PTPRT: variants seen among roughly 807,000 people sequenced by gnomAD.
The protein encoded by PTPRT is receptor-type tyrosine-protein phosphatase T.
Under a neutral mutation model 176.8 loss-of-function variants are expected in PTPRT, and 56 were observed. The observed-to-expected ratio is 0.32, with a 90% confidence interval of 0.26 to 0.40. PTPRT has a LOEUF of 0.40. PTPRT is among the 10% of genes least tolerant of loss of function. The pLI is 1.00. For missense variants in PTPRT, 1,540 were observed against 1,908.2 expected, an observed-to-expected ratio of 0.81 and a Z score of 3.60; for synonymous variants, 783 against 739.0, an observed-to-expected ratio of 1.06 and a Z score of -0.96.
chr20:42,557,942 A>G (rs1333929620), intron 7 of PTPRT, among the ~76,000 whole-genome samples: 1 of 152,180 alleles, frequency 6.6e-6, no homozygotes, highest in African/African-American at 2.4e-5. Flanking sequence ...TGAATGAATT[A>G]CTTGTTTAAC....
chr20:42,205,796 A>G (rs529168116), intron 15 of PTPRT, among the ~76,000 whole-genome samples: 2 of 152,252 alleles, frequency 1.3e-5, no homozygotes, highest in African/African-American at 4.8e-5. Flanking sequence ...TCCTGGAGTC[A>G]GAGATCTCAG....
chr20:42,459,517 G>A (rs1412469243), intron 8 of PTPRT, among the ~76,000 whole-genome samples: 1 of 152,238 alleles, frequency 6.6e-6, no homozygotes, highest in Non-Finnish European at 1.5e-5. Context: ...GCAGAGCACA[G>A]TGGTTTGGAC....
Position 42,791,284 on chromosome 20 carries a change from T to A in PTPRT, c.397A>T (p.Asn133Tyr), listed in dbSNP as rs767406393. Residue 133 changes from asparagine (N) to tyrosine (Y), a missense_variant, in exon 3 of 31, where the codon AAC becomes TAC. By Grantham distance (143) the Asn-to-Tyr change is moderately radical. Transcript: ENST00000373187. ...ACCCCGGACACATTCCACACAGGGTTCCCTTGGGGGCCACCATTCACCTTC... is the reference window on the plus strand; with the variant it reads ...ACCCCGGACACATTCCACACAGGGTACCCTTGGGGGCCACCATTCACCTTC... Reference protein sequence around the residue: ...YVKVNGGPQGNPVWNVSGVVT... With the variant: ...YVKVNGGPQGYPVWNVSGVVT... 2 of 1,614,230 alleles carry A rather than the reference T, an allele frequency of 1.2e-6. No individual in the cohort carries two copies. The highest frequency in any genetic ancestry group is 1.7e-6 in the Non-Finnish European group (2 of 1,180,026).
rs148848415 is a variant in PTPRT, at chr20:42,369,777, G to A, written c.1561-17492C>T. On this transcript the variant is annotated intron_variant, in intron 9 of 30. Transcript: ENST00000373187. ...GAAGAGAAAAGGAAGAGAAGCCTGGGTATCGGGTTTCCAATTGTATGTCCA... is the reference window on the plus strand; with the variant it reads ...GAAGAGAAAAGGAAGAGAAGCCTGGATATCGGGTTTCCAATTGTATGTCCA... Among the ~76,000 whole-genome samples, 588 of 152,286 alleles carry A rather than the reference G, an allele frequency of 3.9e-3. 2 individuals are homozygous for A. The highest frequency in any genetic ancestry group is 6.6e-3 in the Non-Finnish European group (451 of 68,020).
intron 16 of PTPRT, among the ~76,000 whole-genome samples, chr20:42,178,099 G>T (rs907262291): frequency 2.0e-5 from 3 of 151,922 alleles, no homozygotes; most frequent in Admixed American, 1.3e-4. Flanking sequence ...CACCACACCC[G>T]GCTAATTTTT....
chr20:42,838,025 TTTTG>T (rs761803108), intron 2 of PTPRT, among the ~76,000 whole-genome samples: 13 of 152,148 alleles, frequency 8.5e-5, no homozygotes, highest in African/African-American at 1.2e-4. Context: ...ACGTAAACTG[TTTTG>T]TTTGTTTGTT....
At chr20:42,950,746 T>A (rs992796860) in intron 1 of PTPRT, among the ~76,000 whole-genome samples, 2 of 152,232 alleles carry the variant, frequency 1.3e-5, no homozygotes, top group Admixed American at 6.5e-5. Flanking sequence ...AATATTAATA[T>A]GTCTGCAATC....
At chr20:42,102,019 G>T (rs2425474) in intron 26 of PTPRT, 105 bp downstream of exon 26, 30,857 of 1,345,280 alleles carry the variant, frequency 0.023, 412 homozygotes, top group Middle Eastern at 0.027. Flanking sequence ...AAGCAGGGGG[G>T]GCTGGCTGGT....
chr20:42,224,655 T>C (rs2146805247), intron 15 of PTPRT, among the ~76,000 whole-genome samples: 1 of 152,318 alleles, frequency 6.6e-6, no homozygotes, highest in Middle Eastern at 3.4e-3. Flanking sequence ...TAGAATAACC[T>C]GGGGAACTTT....
rs61484693 is a variant in PTPRT, at chr20:42,276,496, AATATATATATATATATATATATATAT to A, written c.2176+5967_2176+5992del. Among the ~76,000 whole-genome samples the A allele has an allele frequency of 7.3e-3, 324 of 44,194 alleles. 5 individuals carry two copies. The highest frequency in any genetic ancestry group is 8.6e-3 in the Non-Finnish European group (182 of 21,178). 29.0% of individuals were successfully genotyped at this position (44,194 alleles called of 152,430 possible). A position where few individuals can be genotyped will look rare whatever the true frequency, so the allele number is the denominator to read the frequency against. Reference sequence around the variant, plus strand: ...TCAGAAAGGAAGAGAGAAAGAAGGAAATATATATATATATATATATATATATATATATATATATATATATATATATA... The same window carrying A: ...TCAGAAAGGAAGAGAGAAAGAAGGAAATATATATATATATATATATATATA... On this transcript the variant is annotated intron_variant, in intron 13 of 30. Transcript: ENST00000373187.
At chr20:42,156,151 C>T (rs761114960) in intron 17 of PTPRT, among the ~76,000 whole-genome samples, 20 of 152,244 alleles carry the variant, frequency 1.3e-4, no homozygotes, top group Non-Finnish European at 1.8e-4. Flanking sequence ...TCTCAAGCTT[C>T]GGTTGAGGCT....
chr20:42,201,257 G>T (rs759265079), intron 15 of PTPRT, among the ~76,000 whole-genome samples: 2 of 152,152 alleles, frequency 1.3e-5, no homozygotes, highest in African/African-American at 2.4e-5. Flanking sequence ...CCGAGATCAC[G>T]CCTCTGCACT....
At chr20:42,810,700 G>A (rs1036313515) in intron 2 of PTPRT, among the ~76,000 whole-genome samples, 10 of 152,156 alleles carry the variant, frequency 6.6e-5, no homozygotes, top group Non-Finnish European at 5.9e-5. Context: ...AATACTGTGG[G>A]CATCAGATTC....
At chr20:43,131,316 G>A (rs1184470776) in intron 1 of PTPRT, among the ~76,000 whole-genome samples, 1 of 152,150 alleles carries the variant, frequency 6.6e-6, no homozygotes, top group African/African-American at 2.4e-5. Context: ...TGCCAAAATT[G>A]GGAATCACAC....
intron 7 of PTPRT, among the ~76,000 whole-genome samples, chr20:42,654,551 C>T (rs898404549): frequency 6.6e-6 from 1 of 152,138 alleles, no homozygotes; most frequent in Non-Finnish European, 1.5e-5. Context: ...TAGGGACAAG[C>T]GAAAGAGTTA....
chr20:42,236,366 G>T, intron 14 of PTPRT, 108 bp from the exon 15 acceptor site: 1 of 966,112 alleles, frequency 1.0e-6, no homozygotes, highest in Non-Finnish European at 1.6e-6. Flanking sequence ...TCTTAGAAAT[G>T]CACATATTAT....
intron 1 of PTPRT, among the ~76,000 whole-genome samples, chr20:43,079,735 T>C (rs563385919): frequency 6.6e-6 from 1 of 152,324 alleles, no homozygotes; most frequent in African/African-American, 2.4e-5. Flanking sequence ...AACAAATTTG[T>C]TGAACCCTCT....
rs561864697 is a variant in PTPRT, at chr20:42,904,319, CAT to C, written c.89-18389_89-18388del. 4.3e-3 allele frequency among the ~76,000 whole-genome samples: 649 copies of C among 152,294 alleles called. 5 individuals carry two copies. The highest frequency in any genetic ancestry group is 0.015 in the African/African-American group (626 of 41,556). On this transcript the variant is annotated intron_variant, in intron 1 of 30. Coordinates refer to ENST00000373187, the MANE Select transcript of PTPRT (RefSeq NM_007050.6). ...AACGAAGCTGCAACTTGCTAAATCA[CAT>C]AGTAACTCGGGGCCTGACAGGACAC... is the stretch of plus-strand genomic sequence containing the variant.
In PTPRT at chr20:42,416,223, C is replaced by A. The variant is rs529126606; in HGVS notation, c.1560+31997G>T. Among the ~76,000 whole-genome samples the A allele has an allele frequency of 4.6e-5, 7 of 152,270 alleles. No individual in the cohort carries two copies. In the South Asian group the frequency reaches 1.5e-3, roughly 32 times the overall value. On this transcript the variant is annotated intron_variant, in intron 9 of 30. Coordinates refer to ENST00000373187, the MANE Select transcript of PTPRT (RefSeq NM_007050.6). ...GGCCATGTGAAGACTGAGGCAGAGA[C>A]TGGGGTGATGTGTCAATGACACAAG...
Sources: allele counts gnomAD v4.1 joint callset (sites outside exome capture counted in the v4.1 genomes callset), GRCh38; gene constraint gnomAD v4.1.1; transcripts MANE v1.5; gene names NCBI Gene and HGNC (gene_info 2026-07-23, HGNC 2026-07-21).